Variants in DOCK3 observed in about 807,000 individuals in gnomAD.
DOCK3 encodes dedicator of cytokinesis protein 3.
Under a neutral mutation model 265.6 loss-of-function variants are expected in DOCK3, and 60 were observed. That is an observed-to-expected ratio of 0.23 (90% CI 0.18 to 0.28). The LOEUF is 0.28. Among genes scored for constraint, DOCK3 ranks in the 10% least tolerant of loss-of-function variants. The pLI, the probability that DOCK3 is intolerant of heterozygous loss-of-function variation, is 1.00. For synonymous variants in DOCK3, 881 were observed against 938.0 expected, an observed-to-expected ratio of 0.94 and a Z score of 1.11; for missense variants, 1,981 against 2,594.3, an observed-to-expected ratio of 0.76 and a Z score of 5.14.
chr3:50,895,332 C>A (rs189245239), intron 4 of DOCK3, among the ~76,000 whole-genome samples: 2 of 150,396 alleles, frequency 1.3e-5, no homozygotes, highest in Admixed American at 1.3e-4. Flanking sequence ...TGGTGGTTTG[C>A]TGCACAGATC....
At chr3:51,186,230 G>A (rs977899560) in intron 12 of DOCK3, among the ~76,000 whole-genome samples, 4 of 152,180 alleles carry the variant, frequency 2.6e-5, no homozygotes, top group Non-Finnish European at 5.9e-5. Context: ...GGTAACTGGA[G>A]CAAAGATGAC....
intron 1 of DOCK3, among the ~76,000 whole-genome samples, chr3:50,777,122 C>T (rs1296342960): frequency 6.6e-6 from 1 of 152,148 alleles, no homozygotes; most frequent in Non-Finnish European, 1.5e-5. Flanking sequence ...CACCAGGTCC[C>T]TCCCACAACA....
chr3:50,991,199 A>G (rs558553011), intron 5 of DOCK3, among the ~76,000 whole-genome samples: 1 of 152,338 alleles, frequency 6.6e-6, no homozygotes, highest in African/African-American at 2.4e-5. Context: ...ACAAGCCAAC[A>G]TAATAACCAG....
intron 1 of DOCK3, among the ~76,000 whole-genome samples, chr3:50,691,639 G>A (rs1025982491): frequency 6.6e-6 from 1 of 152,206 alleles, no homozygotes; most frequent in Non-Finnish European, 1.5e-5. Context: ...AGGAGCTAGT[G>A]TACTGTTTTC....
chr3:51,130,019 T>C (rs1231953138), intron 9 of DOCK3, among the ~76,000 whole-genome samples: 1 of 152,184 alleles, frequency 6.6e-6, no homozygotes, highest in Non-Finnish European at 1.5e-5. Context: ...TCTTTCTTAG[T>C]TGTAGGAGGG....
chr3:51,320,646 G>A (rs1202702108), intron 32 of DOCK3, among the ~76,000 whole-genome samples: 1 of 152,166 alleles, frequency 6.6e-6, no homozygotes, highest in Non-Finnish European at 1.5e-5. Context: ...TGGGAGAGGG[G>A]CTTCTGCCAT....
rs944428666 is a variant in DOCK3, at chr3:50,934,942, A to G, written c.315+865A>G. Among the ~76,000 whole-genome samples the G allele has an allele frequency of 2.0e-5, 3 of 152,224 alleles. No individual in the cohort carries two copies. The East Asian group carries it at 5.8e-4, about 29-fold the overall frequency. On this transcript the variant is annotated intron_variant, in intron 5 of 52. Coordinates refer to ENST00000266037, the MANE Select transcript of DOCK3 (RefSeq NM_004947.5). ...CAACAAAAAGCCCTGGGTAAAACAC[A>G]TAATTCACCTACTGGAAAACTCTGA...
At chr3:50,833,672 T>G (rs915980239) in intron 2 of DOCK3, among the ~76,000 whole-genome samples, 1 of 152,116 alleles carries the variant, frequency 6.6e-6, no homozygotes, top group South Asian at 2.1e-4. Context: ...AGACAAGATA[T>G]GAGGTCAGTT....
chr3:50,794,965 T>C (rs889609011), intron 2 of DOCK3, among the ~76,000 whole-genome samples: 1 of 152,040 alleles, frequency 6.6e-6, no homozygotes, highest in African/African-American at 2.4e-5. Flanking sequence ...CTGAAAAGGA[T>C]CTTATTTCTT....
intron 5 of DOCK3, among the ~76,000 whole-genome samples, chr3:51,017,493 T>C (rs1057349196): frequency 1.3e-5 from 2 of 151,870 alleles, no homozygotes; most frequent in Non-Finnish European, 2.9e-5. Context: ...CATGGGTACT[T>C]GTAGCTATAA....
chr3:51,224,316 C>A (rs930836952), intron 14 of DOCK3, among the ~76,000 whole-genome samples: 1 of 152,148 alleles, frequency 6.6e-6, no homozygotes, highest in African/African-American at 2.4e-5. Flanking sequence ...GGAAAATGAC[C>A]TGAATAATGG....
At chr3:50,858,803 G>A (rs1300753415) in intron 3 of DOCK3, among the ~76,000 whole-genome samples, 1 of 151,826 alleles carries the variant, frequency 6.6e-6, no homozygotes, top group African/African-American at 2.4e-5. Context: ...TCATAGATTT[G>A]GCCTCTTTTT....
chr3:50,929,045 T>C (rs1253242323), intron 4 of DOCK3, among the ~76,000 whole-genome samples: 1 of 152,268 alleles, frequency 6.6e-6, no homozygotes, highest in Non-Finnish European at 1.5e-5. Flanking sequence ...GCAGGTTAAA[T>C]GCATCTTTGA....
At chr3:50,741,833 T>C (rs1400287791) in intron 1 of DOCK3, among the ~76,000 whole-genome samples, 4 of 152,126 alleles carry the variant, frequency 2.6e-5, no homozygotes, top group Non-Finnish European at 4.4e-5. Context: ...AGTTCTAGAT[T>C]CCTGAGGAAT....
chr3:51,308,803 CGG>C (rs1560405222), intron 27 of DOCK3, among the ~76,000 whole-genome samples: 37 of 141,238 alleles, frequency 2.6e-4, no homozygotes, highest in South Asian at 1.9e-3. Context: ...AGCTGCCGGG[CGG>C]AGGGGCTCCT....
chr3:51,258,772 A>G (rs1576571686), intron 22 of DOCK3, among the ~76,000 whole-genome samples: 1 of 152,190 alleles, frequency 6.6e-6, no homozygotes, highest in East Asian at 1.9e-4. Context: ...CCAGCAAGCC[A>G]TCATCTTAAT....
chr3:50,897,174 G>T (rs1224921845), intron 4 of DOCK3, among the ~76,000 whole-genome samples: 1 of 152,088 alleles, frequency 6.6e-6, no homozygotes, highest in Admixed American at 6.6e-5. Context: ...GCAGTTGTTT[G>T]TAGTTCCACT....
intron 3 of DOCK3, among the ~76,000 whole-genome samples, chr3:50,844,012 A>G (rs1481933343): frequency 1.3e-5 from 2 of 152,198 alleles, no homozygotes; most frequent in African/African-American, 4.8e-5. Flanking sequence ...GATCTTAGCC[A>G]AAAGGCTAAG....
At chr3:51,176,493 G>A (rs1048915749) in intron 12 of DOCK3, among the ~76,000 whole-genome samples, 24 of 152,180 alleles carry the variant, frequency 1.6e-4, no homozygotes, top group African/African-American at 5.3e-4. Flanking sequence ...AAGCGTGGTG[G>A]CGGGTGCCTG....
Sources: gnomAD v4.1 joint callset for allele counts (sites outside exome capture counted in the v4.1 genomes callset) on GRCh38, gnomAD v4.1.1 for gene constraint, MANE v1.5 for transcripts, NCBI Gene and HGNC (gene_info 2026-07-23, HGNC 2026-07-21) for gene names.